LARGE1: variants seen among roughly 807,000 people sequenced by gnomAD.
LARGE1 encodes LARGE xylosyl- and glucuronyltransferase 1.
LARGE1 carries 43 observed loss-of-function variants against 87.6 expected under a neutral mutation model. The observed-to-expected ratio is 0.49, with a 90% CI of 0.38 to 0.63. LARGE1 has a LOEUF of 0.63. LARGE1 is among the 30% of genes least tolerant of loss of function. The pLI, the probability that LARGE1 is intolerant of heterozygous loss-of-function variation, is 0.00. For missense variants in LARGE1, 802 were observed against 1,000.2 expected, an observed-to-expected ratio of 0.80 and a Z score of 2.67; for synonymous variants, 434 against 394.6, an observed-to-expected ratio of 1.10 and a Z score of -1.18.
chr22:33,368,571 G>A (rs2064683741), intron 9 of LARGE1, among the ~76,000 whole-genome samples: 1 of 148,792 alleles, frequency 6.7e-6, no homozygotes, highest in South Asian at 2.1e-4. Flanking sequence ...GAAAAAATAT[G>A]TTAAATATTC....
downstream of LARGE1, among the ~76,000 whole-genome samples, chr22:33,157,640 G>A (rs1423916120): frequency 1.3e-5 from 2 of 152,112 alleles, no homozygotes; most frequent in Admixed American, 1.3e-4. Flanking sequence ...CAATGTTGAT[G>A]AGTAAAAATA....
chr22:33,100,499 C>T, the LARGE1 span, among the ~76,000 whole-genome samples: 2 of 152,202 alleles, frequency 1.3e-5, no homozygotes, highest in South Asian at 4.1e-4. Context: ...GTAATAGCCA[C>T]ATAAGGCTAG....
At chr22:33,806,007 T>C (rs2086297441) in intron 1 of LARGE1, among the ~76,000 whole-genome samples, 1 of 152,230 alleles carries the variant, frequency 6.6e-6, no homozygotes, top group Non-Finnish European at 1.5e-5. Flanking sequence ...GCATTCACAA[T>C]GCTGTGCAAC....
At chr22:33,071,995 TGGA>T in the LARGE1 span, among the ~76,000 whole-genome samples, 1 of 152,138 alleles carries the variant, frequency 6.6e-6, no homozygotes, top group Admixed American at 6.5e-5. Context: ...AAATGCAGAT[TGGA>T]GCACTACAGG....
chr22:33,794,179 C>T lies in LARGE1; in HGVS notation c.-82-32621G>A, dbSNP rs562472656. 1.8e-3 allele frequency among the ~76,000 whole-genome samples: 280 copies of T among 152,290 alleles called. 1 individual carries two copies. Among genetic ancestry groups the T allele is most frequent in the African/African-American group, 6.3e-3 (263 of 41,562 alleles). ...ACGTATGTAGTTGGGCCCCATGTGT[C>T]TGTGCATATAATTTGTGAATAATTT... On this transcript the variant is annotated intron_variant, in intron 1 of 14. Transcript: ENST00000397394.
chr22:33,753,747 C>A (rs1389305624), intron 2 of LARGE1, among the ~76,000 whole-genome samples: 1 of 151,992 alleles, frequency 6.6e-6, no homozygotes, highest in Non-Finnish European at 1.5e-5. Flanking sequence ...ATTTTAAGAC[C>A]AAAGGCTACG....
intron 9 of LARGE1, among the ~76,000 whole-genome samples, chr22:33,364,301 C>T (rs373630025): frequency 2.6e-5 from 4 of 152,196 alleles, no homozygotes; most frequent in African/African-American, 7.2e-5. Flanking sequence ...TCGTGATCCG[C>T]CCGCCTCGGC....
At chr22:33,891,745 A>C (rs937885449) in intron 1 of LARGE1, among the ~76,000 whole-genome samples, 1 of 152,270 alleles carries the variant, frequency 6.6e-6, no homozygotes, top group Admixed American at 6.5e-5. Context: ...GCTATTATCA[A>C]ACGGAGATGT....
intron 6 of LARGE1, among the ~76,000 whole-genome samples, chr22:33,502,859 T>C (rs190712248): frequency 2.0e-4 from 30 of 152,184 alleles, no homozygotes; most frequent in African/African-American, 6.0e-4. Flanking sequence ...ACAGCAGAAA[T>C]TGAAGCACAA....
At chr22:33,755,738 G>A (rs2084487596) in intron 2 of LARGE1, among the ~76,000 whole-genome samples, 1 of 152,206 alleles carries the variant, frequency 6.6e-6, no homozygotes, top group Non-Finnish European at 1.5e-5. Context: ...AGCGGTTCCT[G>A]TGTCCCTCAA....
chr22:33,826,538 T>C (rs2062790830), intron 1 of LARGE1, among the ~76,000 whole-genome samples: 1 of 152,018 alleles, frequency 6.6e-6, no homozygotes, highest in South Asian at 2.1e-4. Flanking sequence ...AGATAGAATT[T>C]CACCATCTTG....
chr22:33,185,827 A>T (rs1923444293), intron 11 of LARGE1, among the ~76,000 whole-genome samples: 1 of 152,162 alleles, frequency 6.6e-6, no homozygotes, highest in Non-Finnish European at 1.5e-5. Context: ...CAGAAAACAC[A>T]ATTAACAATG....
At chr22:33,324,044 C>T (rs1192021764) in intron 10 of LARGE1, among the ~76,000 whole-genome samples, 1 of 151,784 alleles carries the variant, frequency 6.6e-6, no homozygotes, top group Non-Finnish European at 1.5e-5. Flanking sequence ...CCAGCCTGGC[C>T]AACGTGGGGA....
the LARGE1 span, among the ~76,000 whole-genome samples, chr22:33,117,703 C>T: frequency 7.9e-5 from 12 of 152,222 alleles, no homozygotes; most frequent in Middle Eastern, 3.4e-3. Context: ...AGGCATCAGA[C>T]GTTTACAAAG....
At chr22:33,417,869 C>A (rs2066556253) in intron 7 of LARGE1, among the ~76,000 whole-genome samples, 1 of 152,248 alleles carries the variant, frequency 6.6e-6, no homozygotes. Context: ...CCAGCAATGG[C>A]AGGTTGAGTC....
rs113531271 is a variant in LARGE1, at chr22:33,826,076, T to G, written c.-82-64518A>C. Reference sequence around the variant, plus strand: ...TCACTTCTGTCTTTTTTTAATATAGTGGTAAAATTCCACGTCTGCTATAGC... The same window carrying G: ...TCACTTCTGTCTTTTTTTAATATAGGGGTAAAATTCCACGTCTGCTATAGC... On this transcript the variant is annotated intron_variant, in intron 1 of 14. Coordinates refer to ENST00000397394, the MANE Select transcript of LARGE1 (RefSeq NM_133642.5). 4.4e-3 allele frequency among the ~76,000 whole-genome samples: 665 copies of G among 152,146 alleles called. 7 individuals are homozygous for G. The highest frequency in any genetic ancestry group is 0.015 in the African/African-American group (609 of 41,500).
At chr22:33,908,558 G>C (rs561758140) in intron 1 of LARGE1, among the ~76,000 whole-genome samples, 8 of 150,104 alleles carry the variant, frequency 5.3e-5, no homozygotes, top group South Asian at 2.2e-4. Context: ...GGCCAGGGGT[G>C]GGGGGTGAGA....
chr22:33,153,280 A>G, the LARGE1 span, among the ~76,000 whole-genome samples: 1 of 152,148 alleles, frequency 6.6e-6, no homozygotes, highest in East Asian at 1.9e-4. Context: ...CTCCCACCTC[A>G]GGCTCCTGAA....
intron 2 of LARGE1, among the ~76,000 whole-genome samples, chr22:33,704,545 G>A (rs545592587): frequency 2.6e-5 from 4 of 152,236 alleles, no homozygotes; most frequent in African/African-American, 9.6e-5. Context: ...TCTCGCAACT[G>A]AGCCTGATTC....
Sources: allele counts gnomAD v4.1 joint callset (sites outside exome capture counted in the v4.1 genomes callset), GRCh38; gene constraint gnomAD v4.1.1; transcripts MANE v1.5; gene names NCBI Gene and HGNC (gene_info 2026-07-23, HGNC 2026-07-21).